The following CDR2 variants were observed in gnomAD, a reference collection of about 807,000 sequenced individuals.
CDR2 encodes the protein cerebellar degeneration related protein 2, also known as cerebellar degeneration-related protein 2.
CDR2 carries 34 observed loss-of-function variants against 48.4 expected under a neutral mutation model. The observed-to-expected ratio is 0.70, with a 90% confidence interval of 0.53 to 0.94. The LOEUF is 0.94. Among genes scored for constraint, CDR2 ranks in the 40% least tolerant of loss-of-function variants. The probability of loss-of-function intolerance (pLI) is 0.00; values close to 1 mark genes in which losing one functional copy is unlikely to be tolerated. For synonymous variants in CDR2, 240 were observed against 219.7 expected, an observed-to-expected ratio of 1.09 and a Z score of -0.82; for missense variants, 498 against 549.5, an observed-to-expected ratio of 0.91 and a Z score of 0.94.
chr16:22,372,490 C>A (rs770964498), intron 1 of CDR2, among the ~76,000 whole-genome samples: 1 of 152,162 alleles, frequency 6.6e-6, no homozygotes, highest in Non-Finnish European at 1.5e-5. Context: ...CCCCTCTATG[C>A]CCTTAAAGAT....
chr16:22,370,285 T>C lies in CDR2; in HGVS notation c.79+3946A>G, dbSNP rs376320040. Among the ~76,000 whole-genome samples, 3 of 152,308 alleles carry C rather than the reference T, an allele frequency of 2.0e-5. No homozygotes were observed. The East Asian group carries it at 5.8e-4, about 29-fold the overall frequency. ...ACTATAATTGGGAAAGCAGAAAACC[T>C]GAATATAAATATCAAGAAAAATGAT... On this transcript the variant is annotated intron_variant, in intron 1 of 4. Transcript: ENST00000268383.
At chr16:22,357,432 G>A (rs2048982476) in intron 2 of CDR2, among the ~76,000 whole-genome samples, 1 of 152,154 alleles carries the variant, frequency 6.6e-6, no homozygotes, top group Admixed American at 6.5e-5. Flanking sequence ...AAATACTGGC[G>A]AACTGGCAGT....
At position 22,347,475 on chromosome 16, in the gene CDR2, C is replaced by T. The variant is rs896170813; in HGVS notation, c.855G>A (p.Glu285=). Residue 285 remains glutamate (E), a synonymous_variant, in exon 5 of 5, where the codon GAG becomes GAA. Transcript: ENST00000268383. ...VPDSLYVPFK[E]PSQSLLEEMF... Reference sequence around the variant, plus strand: ...TCTCTTCCAGCAGGCTCTGGCTGGGCTCTTTGAAAGGAACATACAGAGAGT... The same window carrying T: ...TCTCTTCCAGCAGGCTCTGGCTGGGTTCTTTGAAAGGAACATACAGAGAGT... 6.2e-7 allele frequency: 1 copy of T among 1,614,042 alleles called. No individual in the cohort carries two copies. The highest frequency in any genetic ancestry group is 1.6e-4 in the Middle Eastern group (1 of 6,062).
intron 2 of CDR2, among the ~76,000 whole-genome samples, chr16:22,354,320 A>G (rs1175938982): frequency 2.6e-5 from 4 of 152,208 alleles, no homozygotes; most frequent in African/African-American, 9.6e-5. Context: ...CATTCACTGG[A>G]TCAATGATGA....
Position 22,374,127 on chromosome 16 carries a change from C to A in CDR2, c.79+104G>T, listed in dbSNP as rs182293260. 4.2e-6 allele frequency: 3 copies of A among 716,814 alleles called. No individual in the cohort carries two copies. In the South Asian group the frequency reaches 4.9e-5, roughly 12 times the overall value. 44.4% of individuals were successfully genotyped at this position (716,814 alleles called of 1,614,324 possible). Reference sequence around the variant, plus strand: ...CCAGGTGAGCCTGAGCCCTTCCCGGCACCTGCATCCTCCGCCGCCACAAAA... The same window carrying A: ...CCAGGTGAGCCTGAGCCCTTCCCGGAACCTGCATCCTCCGCCGCCACAAAA... On this transcript the variant is annotated intron_variant, in intron 1 of 4. Coordinates refer to ENST00000268383, the MANE Select transcript of CDR2 (RefSeq NM_001802.2).
At chr16:22,373,838 G>A (rs1351889844) in intron 1 of CDR2, among the ~76,000 whole-genome samples, 1 of 152,226 alleles carries the variant, frequency 6.6e-6, no homozygotes, top group Non-Finnish European at 1.5e-5. Flanking sequence ...GCCATGAAAG[G>A]CGCTGGGCTA....
intron 1 of CDR2, among the ~76,000 whole-genome samples, chr16:22,372,455 G>A: frequency 6.6e-6 from 1 of 152,216 alleles, no homozygotes; most frequent in East Asian, 1.9e-4. Context: ...GCTAGATGCT[G>A]GAAACACAAG....
At chr16:22,360,070 T>C (rs1028149962) in intron 2 of CDR2, among the ~76,000 whole-genome samples, 2 of 152,254 alleles carry the variant, frequency 1.3e-5, no homozygotes, top group African/African-American at 2.4e-5. Context: ...CTTTGAGTGC[T>C]AGGCACAACT....
chr16:22,374,211 C>T lies in CDR2; in HGVS notation c.79+20G>A. 2 of 1,554,268 alleles carry T rather than the reference C, an allele frequency of 1.3e-6. No homozygotes were observed. The highest frequency in any genetic ancestry group is 1.7e-6 in the Non-Finnish European group (2 of 1,143,174). On this transcript the variant is annotated intron_variant, in intron 1 of 4. Transcript: ENST00000268383. The stretch of plus-strand genomic sequence containing the variant: ...CCCGGGCCAGGCCGCCGCCCGCCCG[C>T]GGGGCGCCCCCGCCCTCACCTTGCT...
chr16:22,373,318 A>C (rs2049091095), intron 1 of CDR2, among the ~76,000 whole-genome samples: 1 of 152,202 alleles, frequency 6.6e-6, no homozygotes, highest in Admixed American at 6.5e-5. Context: ...CAAACTGAAG[A>C]AAAGTGGCAG....
intron 1 of CDR2, among the ~76,000 whole-genome samples, chr16:22,372,154 G>A (rs988392984): frequency 7.2e-5 from 11 of 152,124 alleles, no homozygotes; most frequent in African/African-American, 1.7e-4. Flanking sequence ...ACAGGCATGA[G>A]TCACTGCGCC....
intron 2 of CDR2, among the ~76,000 whole-genome samples, chr16:22,359,583 G>A (rs1187613880): frequency 6.6e-6 from 1 of 152,036 alleles, no homozygotes; most frequent in East Asian, 1.9e-4. Flanking sequence ...CATCCCCTCA[G>A]AAAACTCCTA....
intron 1 of CDR2, among the ~76,000 whole-genome samples, chr16:22,366,050 C>T (rs1036055974): frequency 7.2e-5 from 11 of 152,252 alleles, no homozygotes; most frequent in East Asian, 3.9e-4. Flanking sequence ...AGTTGCAATA[C>T]GCACGCAAAG....
intron 2 of CDR2, among the ~76,000 whole-genome samples, chr16:22,357,636 C>A (rs2048983986): frequency 6.6e-6 from 1 of 152,208 alleles, no homozygotes; most frequent in Non-Finnish European, 1.5e-5. Context: ...CCCATGGCAG[C>A]AATTGCCCCG....
At chr16:22,363,820 C>T (rs1054296023) in intron 2 of CDR2, among the ~76,000 whole-genome samples, 1 of 152,184 alleles carries the variant, frequency 6.6e-6, no homozygotes, top group African/African-American at 2.4e-5. Context: ...GTGGCCTACA[C>T]ATAACTGAAC....
intron 2 of CDR2, among the ~76,000 whole-genome samples, chr16:22,363,793 A>C (rs1214289741): frequency 6.6e-6 from 1 of 152,168 alleles, no homozygotes; most frequent in Admixed American, 6.5e-5. Context: ...AATATCCGTG[A>C]TTATCTTTAC....
chr16:22,361,357 G>C (rs1162889572), intron 2 of CDR2, among the ~76,000 whole-genome samples: 1 of 152,194 alleles, frequency 6.6e-6, no homozygotes, highest in Non-Finnish European at 1.5e-5. Context: ...TTAAGGAGAG[G>C]GCCCTTATAA....
At chr16:22,362,747 G>C (rs986778473) in intron 2 of CDR2, among the ~76,000 whole-genome samples, 1 of 152,196 alleles carries the variant, frequency 6.6e-6, no homozygotes, top group Non-Finnish European at 1.5e-5. Flanking sequence ...CATTTGGCTA[G>C]TTTAATAGTT....
chr16:22,351,455 G>A (rs1034595070), intron 2 of CDR2, among the ~76,000 whole-genome samples: 2 of 152,018 alleles, frequency 1.3e-5, no homozygotes, highest in African/African-American at 4.8e-5. Flanking sequence ...TTCCACAATG[G>A]TTGAACTAAT....
Sources: allele counts gnomAD v4.1 joint callset (sites outside exome capture counted in the v4.1 genomes callset), GRCh38; gene constraint gnomAD v4.1.1; transcripts MANE v1.5; gene names NCBI Gene and HGNC (gene_info 2026-07-23, HGNC 2026-07-21).